The following KLHL4 variants were observed in gnomAD, a reference collection of about 807,000 sequenced individuals.
The protein encoded by KLHL4 is kelch like family member 4, also known as kelch-like protein 4.
A neutral mutation model predicts 45.8 loss-of-function variants in KLHL4; 17 were observed. The ratio of observed to expected loss-of-function variants is 0.37; its 90% CI spans 0.25 to 0.56. KLHL4 has a LOEUF of 0.56. Among genes scored for constraint, KLHL4 ranks in the 20% least tolerant of loss-of-function variants. The pLI is 0.79. For missense variants in KLHL4, 544 were observed against 544.9 expected (o/e 1.00, Z 0.02); for synonymous variants, 224 against 189.9 (o/e 1.18, Z -1.47).
chrX:87,560,358 G>A (rs1039791019), intron 1 of KLHL4, among the ~76,000 whole-genome samples: 2 of 112,015 alleles, frequency 1.8e-5, no homozygotes, highest in African/African-American at 6.5e-5. Flanking sequence ...ACAAATAGCT[G>A]TAGCCTCTCT....
chrX:87,517,949 G>T lies in KLHL4; in HGVS notation c.56G>T (p.Trp19Leu). The change falls in exon 1 of 11, where the codon TGG becomes TTG. Residue 19 changes from tryptophan to leucine, a missense_variant. Coordinates refer to ENST00000373119, the MANE Select transcript of KLHL4 (RefSeq NM_019117.5). ...FDVKQILRLR[W>L]RWFSHPFQGS... ...GTGAAACAGATCCTAAGGCTACGCT[G>T]GAGGTGGTTTAGTCATCCTTTTCAA... The T allele has an allele frequency of 1.7e-6, 2 of 1,211,590 alleles. No individual in the cohort carries two copies. The highest frequency in any genetic ancestry group is 2.2e-6 in the Non-Finnish European group (2 of 895,261).
intron 1 of KLHL4, among the ~76,000 whole-genome samples, chrX:87,596,889 AAT>A (rs1921857703): frequency 8.9e-6 from 1 of 112,473 alleles, no homozygotes; most frequent in Non-Finnish European, 1.9e-5. Flanking sequence ...GACAAGATTT[AAT>A]ATATGATTTA....
intron 1 of KLHL4, among the ~76,000 whole-genome samples, chrX:87,611,096 T>C (rs1380208572): frequency 9.0e-6 from 1 of 111,326 alleles, no homozygotes; most frequent in Non-Finnish European, 1.9e-5. Flanking sequence ...GAAAAAAAGC[T>C]TCTGAGAATA....
At chrX:87,533,737 AAAAC>A (rs1475642788) in intron 1 of KLHL4, among the ~76,000 whole-genome samples, 10 of 111,293 alleles carry the variant, frequency 9.0e-5, no homozygotes, top group Admixed American at 8.7e-4. Flanking sequence ...TCATCTCCTT[AAAAC>A]AAACACATAG....
At chrX:87,609,024 G>A (rs1922287940) in intron 1 of KLHL4, among the ~76,000 whole-genome samples, 1 of 110,621 alleles carries the variant, frequency 9.0e-6, no homozygotes, top group Admixed American at 9.7e-5. Context: ...ATGGTTTTTT[G>A]TCCTTGCAAC....
Position 87,637,341 on chromosome X carries a change from T to G in KLHL4, c.1925+1566T>G, listed in dbSNP as rs750526674. ...ACAAAAGAATCTGAACAGCAGCCCT[T>G]GAGTTCCAGATCTTCCCTCTGACAT... is the stretch of plus-strand genomic sequence containing the variant. On this transcript the variant is annotated intron_variant, in intron 9 of 10. Coordinates refer to ENST00000373119, the MANE Select transcript of KLHL4 (RefSeq NM_019117.5). 1.5e-4 allele frequency among the ~76,000 whole-genome samples: 17 copies of G among 111,742 alleles called. No individual in the cohort carries two copies. The East Asian group carries it at 3.7e-3, about 24-fold the overall frequency.
intron 1 of KLHL4, among the ~76,000 whole-genome samples, chrX:87,535,092 C>A (rs1931401113): frequency 8.9e-6 from 1 of 111,836 alleles, no homozygotes; most frequent in African/African-American, 3.2e-5. Flanking sequence ...ACAGCTAGTA[C>A]ATATCTGAGG....
rs146051966 is a variant in KLHL4, at chrX:87,613,946, C to T, written c.492C>T (p.His164=). The stretch of plus-strand genomic sequence containing the variant: ...AAGAGCAGTTCCATGTTATAAACCA[C>T]GCAGAGCAAACTCTTCGTAAAATGG... The part of the protein sequence containing the change: ...RSEEQFHVIN[H]AEQTLRKMEN... The change falls in exon 2 of 11, where the codon CAC becomes CAT. Residue 164 remains histidine, a synonymous_variant. Coordinates refer to ENST00000373119, the MANE Select transcript of KLHL4 (RefSeq NM_019117.5). 911 of 1,204,255 alleles carry T rather than the reference C, an allele frequency of 7.6e-4. No homozygotes were observed. The highest frequency in any genetic ancestry group is 9.6e-4 in the Non-Finnish European group (852 of 890,984).
At chrX:87,646,230 T>C (rs1025787672) in intron 9 of KLHL4, among the ~76,000 whole-genome samples, 2 of 110,938 alleles carry the variant, frequency 1.8e-5, no homozygotes, top group African/African-American at 6.6e-5. Flanking sequence ...AAAACACTAC[T>C]GAAAGAAAAC....
chrX:87,642,849 C>G (rs1923508554), intron 9 of KLHL4, among the ~76,000 whole-genome samples: 1 of 111,487 alleles, frequency 9.0e-6, no homozygotes, highest in African/African-American at 3.3e-5. Flanking sequence ...CTTACAAAGA[C>G]AAAGAAAAAA....
intron 1 of KLHL4, among the ~76,000 whole-genome samples, chrX:87,533,788 A>G (rs1931366505): frequency 9.0e-6 from 1 of 111,663 alleles, no homozygotes; most frequent in South Asian, 3.8e-4. Context: ...TCTCATTGTT[A>G]GTAATGAACT....
chrX:87,608,552 C>T (rs1220561708), intron 1 of KLHL4, among the ~76,000 whole-genome samples: 1 of 109,822 alleles, frequency 9.1e-6, no homozygotes, highest in African/African-American at 3.3e-5. Flanking sequence ...ATACCTGATC[C>T]GGGGTAAAGA....
chrX:87,634,504 G>T (rs770746247), intron 8 of KLHL4, among the ~76,000 whole-genome samples: 1 of 111,680 alleles, frequency 9.0e-6, no homozygotes, highest in Non-Finnish European at 1.9e-5. Flanking sequence ...TCTGACAAGG[G>T]AACTTTGGAG....
chrX:87,664,533 T>G (rs1924300727), intron 9 of KLHL4, among the ~76,000 whole-genome samples: 1 of 111,994 alleles, frequency 8.9e-6, no homozygotes, highest in African/African-American at 3.2e-5. Context: ...ATTAATGAAG[T>G]GCATGGTATC....
At chrX:87,655,308 A>T (rs1032960622) in intron 9 of KLHL4, among the ~76,000 whole-genome samples, 2 of 111,852 alleles carry the variant, frequency 1.8e-5, no homozygotes, top group Non-Finnish European at 1.9e-5. Context: ...CCCCACTATT[A>T]TTGCATTGCT....
intron 9 of KLHL4, among the ~76,000 whole-genome samples, chrX:87,659,940 A>G (rs899127225): frequency 1.0e-5 from 1 of 95,710 alleles, no homozygotes; most frequent in Admixed American, 1.1e-4. Context: ...TGCTTTCCGG[A>G]TGTGTGTGTG....
At chrX:87,573,371 A>G (rs1177789401) in intron 1 of KLHL4, among the ~76,000 whole-genome samples, 1 of 110,981 alleles carries the variant, frequency 9.0e-6, no homozygotes, top group African/African-American at 3.3e-5. Context: ...GGTGAAAAAG[A>G]TAGGTAGAAT....
chrX:87,611,268 A>T (rs1922361898), intron 1 of KLHL4, among the ~76,000 whole-genome samples: 2 of 111,371 alleles, frequency 1.8e-5, no homozygotes, highest in Admixed American at 1.9e-4. Context: ...AAGTAAAAAC[A>T]TTCATATATT....
rs373315720 is a variant in KLHL4, at chrX:87,632,298, C to T, written c.1413C>T (p.Val471=). ...ATGGCCGTAGGCTTCAATTTGGAGT[C>T]GCAGTTATTGATAATAAGCTCTATG... ...TMNGRRLQFG[V]AVIDNKLYVV... is the part of the protein sequence containing the mutation. The change falls in exon 7 of 11, where the codon GTC becomes GTT. Residue 471 remains valine, a synonymous_variant. Transcript: ENST00000373119. 1.0e-4 allele frequency: 120 copies of T among 1,205,884 alleles called. No homozygotes were observed. Among genetic ancestry groups the T allele is most frequent in the Non-Finnish European group, 1.2e-4 (108 of 891,957 alleles).
Sources: gnomAD v4.1 joint callset for allele counts (sites outside exome capture counted in the v4.1 genomes callset) on GRCh38, gnomAD v4.1.1 for gene constraint, MANE v1.5 for transcripts, NCBI Gene and HGNC (gene_info 2026-07-23, HGNC 2026-07-21) for gene names.